ZBTB12: variants seen among roughly 807,000 people sequenced by gnomAD.
The protein encoded by ZBTB12 is zinc finger and BTB domain-containing protein 12.
Under a neutral mutation model 6.4 loss-of-function variants are expected in ZBTB12, and 1 was observed. The observed-to-expected ratio is 0.16, with a 90% CI of 0.06 to 0.74. The LOEUF is 0.74. ZBTB12 is among the 30% of genes least tolerant of loss of function. ZBTB12 has a pLI of 0.78. For synonymous variants in ZBTB12, 273 were observed against 262.5 expected (o/e 1.04, Z -0.39); for missense variants, 344 against 613.9 (o/e 0.56, Z 4.65).
In ZBTB12 at chr6:31,901,114, C is replaced by G; in HGVS notation, c.192G>C (p.Leu64=). 1 of 1,614,072 alleles carries G rather than the reference C, an allele frequency of 6.2e-7. No homozygotes were observed. Among genetic ancestry groups the G allele is most frequent in the Non-Finnish European group, 8.5e-7 (1 of 1,180,040 alleles). The change falls in exon 2 of 2, where the codon CTG becomes CTC. Residue 64 remains leucine (L), a synonymous_variant. Transcript: ENST00000375527. ...AGACCTGCAGCTCCGAGCTGGGGTT[C>G]AGCAGGAACTGGTCCCGCAGGAAGG... The part of the protein sequence containing the change: ...CSPFLRDQFL[L]NPSSELQVSL...
chr6:31,901,450 C>T (rs1767259593), intron 1 of ZBTB12, 125 bp from the exon 2 acceptor site: 7 of 940,136 alleles, frequency 7.4e-6, no homozygotes, highest in South Asian at 3.5e-5. Context: ...CAGATTTCTT[C>T]CTCAGTTTCC....
In ZBTB12 at chr6:31,900,416, G is replaced by T; in HGVS notation, c.890C>A (p.Ala297Glu). 1 of 1,549,318 alleles carries T rather than the reference G, an allele frequency of 6.5e-7. No homozygotes were observed. The highest frequency in any genetic ancestry group is 8.7e-7 in the Non-Finnish European group (1 of 1,147,682). The change falls in exon 2 of 2, where the codon GCA becomes GAA. Residue 297 changes from alanine (A) to glutamate (E), a missense_variant. Ala to Glu is a moderately radical substitution (Grantham distance 107, BLOSUM62 -1). Coordinates refer to ENST00000375527, the MANE Select transcript of ZBTB12 (RefSeq NM_181842.3). The surrounding 1 kb of genome is among the most constrained non-coding windows in gnomAD (Gnocchi z 9.7). ...CCGGGCAGCCATGGCCACCGCTGCT[G>T]CTTCCACCAGGCCCGAGGTGGCCCC... ...SVGATSGLVEAAAVAMAARGA... is the reference protein window; with the variant it reads ...SVGATSGLVEEAAVAMAARGA...
chr6:31,900,025 C>T lies in ZBTB12; in HGVS notation c.1281G>A (p.Lys427=), dbSNP rs1362715356. 6.2e-7 allele frequency: 1 copy of T among 1,612,130 alleles called. No homozygotes were observed. Among genetic ancestry groups the T allele is most frequent in the South Asian group, 1.1e-5 (1 of 91,042 alleles). Reference sequence around the variant, plus strand: ...CCTTGAGGTGCCGCCTAATGGCAGGCTTGTGGGCGAAGCGCACGTCGCAGT... The same window carrying T: ...CCTTGAGGTGCCGCCTAATGGCAGGTTTGTGGGCGAAGCGCACGTCGCAGT... ...CSYCDVRFAH[K]PAIRRHLKEQ... is the part of the protein sequence containing the mutation. The change falls in exon 2 of 2, where the codon AAG becomes AAA. Residue 427 remains lysine, a synonymous_variant. Coordinates refer to ENST00000375527, the MANE Select transcript of ZBTB12 (RefSeq NM_181842.3). The surrounding 1 kb of genome is among the most constrained non-coding windows in gnomAD (Gnocchi z 9.7).
At position 31,899,929 on chromosome 6, in the gene ZBTB12, G is replaced by T; in HGVS notation, c.1377C>A (p.Arg459=). ...CCTGGCCTCCACGCCTGCGCGGCTA[G>T]CGGATGAGGACGTTAATCTCGGCCA... The part of the protein sequence containing the change: ...ASVAEINVLI[R] The change falls in exon 2 of 2, where the codon CGC becomes CGA. Residue 459 remains arginine (R), a synonymous_variant. Transcript: ENST00000375527. 1 of 1,577,528 alleles carries T rather than the reference G, an allele frequency of 6.3e-7. No homozygotes were observed. Among genetic ancestry groups the T allele is most frequent in the African/African-American group, 1.3e-5 (1 of 74,440 alleles).
At chr6:31,901,583 G>A (rs1450493957) in intron 1 of ZBTB12, among the ~76,000 whole-genome samples, 2 of 151,502 alleles carry the variant, frequency 1.3e-5, no homozygotes, top group African/African-American at 2.4e-5. Flanking sequence ...GCGCGCCCAC[G>A]GTGGAAGGAC....
intron 1 of ZBTB12, 25 bp from the exon 2 acceptor site, chr6:31,901,350 A>G: frequency 6.4e-7 from 1 of 1,566,642 alleles, no homozygotes; most frequent in East Asian, 2.3e-5. Flanking sequence ...AACCGGTCAG[A>G]GACAAAGGTC....
At position 31,899,696 on chromosome 6, in the gene ZBTB12, C is replaced by T. The variant is rs143890263; in HGVS notation, c.*230G>A. The T allele has an allele frequency of 5.7e-3, 3,057 of 533,804 alleles. 95 individuals carry two copies. Among genetic ancestry groups the T allele is most frequent in the Admixed American group, 0.054 (1,587 of 29,516 alleles). 33.1% of individuals were successfully genotyped at this position (533,804 alleles called of 1,614,324 possible). A position where few individuals can be genotyped will look rare whatever the true frequency, so the allele number is the denominator to read the frequency against. ...AGAAGGAAATCTTTCTCTGGGACCCCGTATTCCCCTGGCCTCCAAGAACCC... is the reference window on the plus strand; with the variant it reads ...AGAAGGAAATCTTTCTCTGGGACCCTGTATTCCCCTGGCCTCCAAGAACCC... On this transcript the variant is annotated 3_prime_UTR_variant, in exon 2 of 2. Transcript: ENST00000375527.
Position 31,900,816 on chromosome 6 carries a change from G to A in ZBTB12, c.490C>T (p.Pro164Ser), listed in dbSNP as rs1767180445. The change falls in exon 2 of 2, where the codon CCG becomes TCG. Residue 164 changes from proline to serine, a missense_variant. Transcript: ENST00000375527. The surrounding 1 kb of genome is among the most constrained non-coding windows in gnomAD (Gnocchi z 9.7). ...LPPARTPKPA[P>S]KPPPPPPLPP... ...AGAGGAGGTGGGGGTGGGGGCTTCG[G>A]GGCTGGCTTTGGGGTCCTGGCTGGA... 3.7e-6 allele frequency: 6 copies of A among 1,605,632 alleles called. No homozygotes were observed. The highest frequency in any genetic ancestry group is 5.1e-6 in the Non-Finnish European group (6 of 1,174,864).
chr6:31,901,408 C>T, intron 1 of ZBTB12, 83 bp from the exon 2 acceptor site: 1 of 1,276,498 alleles, frequency 7.8e-7, no homozygotes. Flanking sequence ...CCCATTCTTG[C>T]CCAGCCCCCC....
At position 31,899,848 on chromosome 6, in the gene ZBTB12, C is replaced by T; in HGVS notation, c.*78G>A. On this transcript the variant is annotated 3_prime_UTR_variant, in exon 2 of 2. Coordinates refer to ENST00000375527, the MANE Select transcript of ZBTB12 (RefSeq NM_181842.3). ...CCTTTCTGCCCCAGACCCCCCACCC[C>T]CCAATTCTCCTGGGCCAAAGAGCCC... The T allele has an allele frequency of 1.4e-6, 2 of 1,453,312 alleles. No homozygotes were observed. The highest frequency in any genetic ancestry group is 1.8e-6 in the Non-Finnish European group (2 of 1,089,470). The allele number at this position is 1,453,312 out of a possible 1,614,324, so 90.0% of individuals were successfully genotyped here.
rs1422942266 is a variant in ZBTB12, at chr6:31,900,458, C to A, written c.848G>T (p.Gly283Val). ...GGTGGCCCCCACGCTGGCCCGGCCT[C>A]CGGGAATCAACAGCAGGCCCTCCCC... ...AEGEGLLLIPGGRASVGATSG... is the reference protein window; with the variant it reads ...AEGEGLLLIPVGRASVGATSG... Residue 283 changes from glycine to valine, a missense_variant, in exon 2 of 2, where the codon GGA becomes GTA. By Grantham distance (109) the Gly-to-Val change is moderately radical. Transcript: ENST00000375527. The surrounding 1 kb of genome is among the most constrained non-coding windows in gnomAD (Gnocchi z 9.7). 1 of 1,585,922 alleles carries A rather than the reference C, an allele frequency of 6.3e-7. No homozygotes were observed. The highest frequency in any genetic ancestry group is 2.3e-5 in the East Asian group (1 of 43,322).
In ZBTB12 at chr6:31,901,282, C is replaced by G; in HGVS notation, c.24G>C (p.Leu8=). 1 of 1,612,068 alleles carries G rather than the reference C, an allele frequency of 6.2e-7. No homozygotes were observed. The highest frequency in any genetic ancestry group is 8.5e-7 in the Non-Finnish European group (1 of 1,179,086). ...CCTCGTGGCCGGGCAGCTGGAAGCG[C>G]AGGACTTCCACCCCAGAGGCCATTG... MASGVEV[L]RFQLPGHEAA... The change falls in exon 2 of 2, where the codon CTG becomes CTC. Residue 8 remains leucine (L), a synonymous_variant. Transcript: ENST00000375527.
intron 1 of ZBTB12, 66 bp from the exon 2 acceptor site, chr6:31,901,391 C>T: frequency 7.1e-7 from 1 of 1,410,360 alleles, no homozygotes. Context: ...GCTCCAGGAC[C>T]CTCGCCCCCA....
At chr6:31,901,607 G>T (rs1412510781) in intron 1 of ZBTB12, among the ~76,000 whole-genome samples, 1 of 151,754 alleles carries the variant, frequency 6.6e-6, no homozygotes, top group African/African-American at 2.4e-5. Flanking sequence ...GAAAAAGGGG[G>T]GCCAGAGGCC....
At chr6:31,901,430 TC>T (rs1198113380) in intron 1 of ZBTB12, 105 bp from the exon 2 acceptor site, 13 of 1,074,280 alleles carry the variant, frequency 1.2e-5, no homozygotes, top group Admixed American at 5.8e-5. Context: ...GCATCCGATC[TC>T]CCGGTCTTCA....
rs773772154 is a variant in ZBTB12 at position 31,900,343 on chromosome 6, A to C, written c.963T>G (p.Pro321=). 1.9e-6 allele frequency: 3 copies of C among 1,609,468 alleles called. No homozygotes were observed. Among genetic ancestry groups the C allele is most frequent in the Admixed American group, 3.3e-5 (2 of 59,896 alleles). ...LGAGGSRGPL[P]GGFSGGNPLK... ...AGGGGTTTCCACCTGAGAAGCCCCC[A>C]GGCAGGGGTCCCCGGCTGCCCCCCG... is the stretch of plus-strand genomic sequence containing the variant. Residue 321 remains proline (P), a synonymous_variant, in exon 2 of 2, where the codon CCT becomes CCG. Transcript: ENST00000375527. The surrounding 1 kb of genome is among the most constrained non-coding windows in gnomAD (Gnocchi z 9.7).
In ZBTB12 at chr6:31,900,541, A is replaced by G. The variant is rs779752449; in HGVS notation, c.765T>C (p.Thr255=). ...ELAQSSVPPS[T]VAPPQGVVKA... is the part of the protein sequence containing the mutation. ...TCACCACACCCTGCGGTGGGGCTAC[A>G]GTGCTGGGGGGAACGCTGCTCTGGG... The change falls in exon 2 of 2, where the codon ACT becomes ACC. Residue 255 remains threonine (T), a synonymous_variant. Coordinates refer to ENST00000375527, the MANE Select transcript of ZBTB12 (RefSeq NM_181842.3). This position sits in a 1 kb window ranked among gnomAD's most constrained non-coding sequence, Gnocchi z 9.7. 6.2e-7 allele frequency: 1 copy of G among 1,611,938 alleles called. No individual in the cohort carries two copies. The highest frequency in any genetic ancestry group is 8.5e-7 in the Non-Finnish European group (1 of 1,179,778).
Position 31,900,806 on chromosome 6 carries a change from G to A in ZBTB12, c.500C>T (p.Pro167Leu). 11 of 1,600,142 alleles carry A rather than the reference G, an allele frequency of 6.9e-6. No homozygotes were observed. The highest frequency in any genetic ancestry group is 9.4e-6 in the Non-Finnish European group (11 of 1,172,054). Reference protein sequence around the residue: ...ARTPKPAPKPPPPPPLPPPLL... With the variant: ...ARTPKPAPKPLPPPPLPPPLL... ...TGGAGGGGGTAGAGGAGGTGGGGGT[G>A]GGGGCTTCGGGGCTGGCTTTGGGGT... The change falls in exon 2 of 2, where the codon CCA becomes CTA. Residue 167 changes from proline to leucine, a missense_variant. This residue lies in a region of ZBTB12 where 241 missense variants were observed against 315.4 expected (regional missense o/e 0.76). Coordinates refer to ENST00000375527, the MANE Select transcript of ZBTB12 (RefSeq NM_181842.3). This position sits in a 1 kb window ranked among gnomAD's most constrained non-coding sequence, Gnocchi z 9.7.
chr6:31,901,201 C>G lies in ZBTB12; in HGVS notation c.105G>C (p.Val35=). The G allele has an allele frequency of 6.2e-7, 1 of 1,613,510 alleles. No individual in the cohort carries two copies. Among genetic ancestry groups the G allele is most frequent in the Admixed American group, 1.7e-5 (1 of 60,020 alleles). ...QLRAEERFCD[V]TIVADSLKFR... ...ACTTGAGGCTGTCGGCCACAATGGTCACGTCGCAGAACCGCTCCTCTGCCC... is the reference window on the plus strand; with the variant it reads ...ACTTGAGGCTGTCGGCCACAATGGTGACGTCGCAGAACCGCTCCTCTGCCC... The change falls in exon 2 of 2, where the codon GTG becomes GTC. Residue 35 remains valine, a synonymous_variant. Coordinates refer to ENST00000375527, the MANE Select transcript of ZBTB12 (RefSeq NM_181842.3).
Sources: gnomAD v4.1 joint callset for allele counts (sites outside exome capture counted in the v4.1 genomes callset) on GRCh38, gnomAD v4.1.1 for gene constraint, gnomAD v4.1.1 regional missense constraint, Gnocchi (gnomAD v3.1) non-coding constraint, MANE v1.5 for transcripts, NCBI Gene and HGNC (gene_info 2026-07-23, HGNC 2026-07-21) for gene names.